The following PRAG1 variants were observed in gnomAD, a reference collection of about 807,000 sequenced individuals.
The protein encoded by PRAG1 is inactive tyrosine-protein kinase PRAG1.
In PRAG1, 110 loss-of-function variants were observed where a neutral mutation model predicts 95.6. The observed-to-expected ratio is 1.15, with a 90% CI of 0.99 to 1.35. PRAG1 has a LOEUF of 1.35. PRAG1 is among the 40% of genes most tolerant of loss of function. PRAG1 has a pLI of 0.00. For synonymous variants in PRAG1, 1,052 were observed against 819.4 expected (o/e 1.28, Z -4.85); for missense variants, 2,554 against 1,864.7 (o/e 1.37, Z -6.81).
chr8:8,351,418 T>C (rs771114905), intron 3 of PRAG1, among the ~76,000 whole-genome samples: 2 of 152,212 alleles, frequency 1.3e-5, no homozygotes, highest in Non-Finnish European at 2.9e-5. Context: ...ATCCAAACCA[T>C]ATGACTGAGT....
chr8:8,352,448 C>T (rs1023599168), intron 3 of PRAG1, among the ~76,000 whole-genome samples: 2 of 152,180 alleles, frequency 1.3e-5, no homozygotes, highest in African/African-American at 4.8e-5. Context: ...ATTCATACTA[C>T]CTCTCAGGGC....
intron 5 of PRAG1, among the ~76,000 whole-genome samples, chr8:8,322,920 A>C (rs1798518703): frequency 6.6e-6 from 1 of 152,130 alleles, no homozygotes; most frequent in African/African-American, 2.4e-5. Context: ...TGGCCTGACC[A>C]CTTTGGGAAC....
Position 8,318,155 on chromosome 8 carries a change from C to T in PRAG1, c.4220G>A (p.Ter1407=). ...CGACGGTGCAGGCTGGGGCTTGGCT[C>T]ACAGAAGCTGCAGGAGCTTCAGCGA... ...LQSLKLLQLL[*] is the part of the protein sequence containing the mutation. Residue 1407 remains the stop codon, a stop_retained_variant, in exon 6 of 6, where the codon TGA becomes TAA. Coordinates refer to ENST00000615670, the MANE Select transcript of PRAG1 (RefSeq NM_001080826.3). This position sits in a 1 kb window ranked among gnomAD's most constrained non-coding sequence, Gnocchi z 4.2. 3 of 1,610,994 alleles carry T rather than the reference C, an allele frequency of 1.9e-6. No homozygotes were observed. Among genetic ancestry groups the T allele is most frequent in the Non-Finnish European group, 2.5e-6 (3 of 1,178,426 alleles).
chr8:8,352,484 C>G (rs1323580011), intron 3 of PRAG1, among the ~76,000 whole-genome samples: 1 of 152,152 alleles, frequency 6.6e-6, no homozygotes, highest in Non-Finnish European at 1.5e-5. Flanking sequence ...GTACTTGACC[C>G]AAATCAGCTG....
chr8:8,353,945 T>C lies in PRAG1; in HGVS notation c.2163-14310A>G, dbSNP rs139899902. ...TAATAAAGATTAGAACAAAAATAAA[T>C]AAAATAAAGAACAGAAAAGCCACAT... is the stretch of plus-strand genomic sequence containing the variant. On this transcript the variant is annotated intron_variant, in intron 3 of 5. Transcript: ENST00000615670. Among the ~76,000 whole-genome samples the C allele has an allele frequency of 5.9e-3, 858 of 145,904 alleles. 8 individuals are homozygous for C. Among genetic ancestry groups the C allele is most frequent in the African/African-American group, 0.021 (821 of 39,568 alleles).
At chr8:8,325,203 G>C (rs1045828294) in intron 5 of PRAG1, among the ~76,000 whole-genome samples, 2 of 152,200 alleles carry the variant, frequency 1.3e-5, no homozygotes, top group Non-Finnish European at 2.9e-5. Context: ...CTGCCCGTGC[G>C]AAATGATGCT....
chr8:8,356,199 C>A (rs1799676209), intron 3 of PRAG1, among the ~76,000 whole-genome samples: 1 of 152,096 alleles, frequency 6.6e-6, no homozygotes. Flanking sequence ...CAGGGAAATG[C>A]AAATTTAAAC....
intron 5 of PRAG1, among the ~76,000 whole-genome samples, chr8:8,321,176 C>T (rs1447355240): frequency 6.6e-6 from 1 of 152,146 alleles, no homozygotes; most frequent in Admixed American, 6.5e-5. Flanking sequence ...TTTTGACCTC[C>T]CAGGTTTAAG....
At chr8:8,334,512 G>C (rs1293766745) in intron 4 of PRAG1, among the ~76,000 whole-genome samples, 1 of 151,764 alleles carries the variant, frequency 6.6e-6, no homozygotes, top group African/African-American at 2.4e-5. Context: ...ACTGGAAGCA[G>C]GTTATTAGCA....
chr8:8,338,481 A>C (rs1041641377), intron 4 of PRAG1, among the ~76,000 whole-genome samples: 1 of 152,238 alleles, frequency 6.6e-6, no homozygotes, highest in Non-Finnish European at 1.5e-5. Context: ...TTTGTTATAC[A>C]ATGGGCTGGG....
chr8:8,377,206 G>A lies in PRAG1; in HGVS notation c.1203C>T (p.Ala401=). 2 of 1,611,770 alleles carry A rather than the reference G, an allele frequency of 1.2e-6. No individual in the cohort carries two copies. Among genetic ancestry groups the A allele is most frequent in the Admixed American group, 3.3e-5 (2 of 59,976 alleles). ...LGLTGEPQPP[A]HPREATQPEP... is the part of the protein sequence containing the mutation. ...CAGGCTGTGTAGCCTCCCGGGGGTG[G>A]GCCGGGGGCTGGGGCTCCCCCGTCA... is the stretch of plus-strand genomic sequence containing the variant. The change falls in exon 3 of 6, where the codon GCC becomes GCT. Residue 401 remains alanine, a synonymous_variant. Transcript: ENST00000615670.
At position 8,381,947 on chromosome 8, in the gene PRAG1, A is replaced by G. The variant is rs1278976733; in HGVS notation, c.-87-113T>C. On this transcript the variant is annotated intron_variant, in intron 1 of 5. Transcript: ENST00000615670. ...GGAGAAGGAGGAGAAAAAGGTAAAG[A>G]TTAGGATCCCATTTATTTTGGGACC... 1.9e-5 allele frequency: 10 copies of G among 519,106 alleles called. No individual in the cohort carries two copies. In the East Asian group the frequency reaches 3.1e-4, roughly 16 times the overall value. The allele number at this position is 519,106 out of a possible 1,614,324, so 32.2% of individuals were successfully genotyped here.
At chr8:8,371,580 A>G (rs906990336) in intron 3 of PRAG1, among the ~76,000 whole-genome samples, 1 of 152,000 alleles carries the variant, frequency 6.6e-6, no homozygotes, top group Non-Finnish European at 1.5e-5. Context: ...CTTTCAAACA[A>G]AGACATCAGC....
chr8:8,373,956 C>A (rs1318487506), intron 3 of PRAG1, among the ~76,000 whole-genome samples: 5 of 152,148 alleles, frequency 3.3e-5, no homozygotes, highest in African/African-American at 9.7e-5. Flanking sequence ...TGGGATTTCT[C>A]CAAGCCCCGA....
chr8:8,376,783 G>T lies in PRAG1; in HGVS notation c.1626C>A (p.Pro542=). The T allele has an allele frequency of 4.3e-6, 7 of 1,610,978 alleles. No individual in the cohort carries two copies. The highest frequency in any genetic ancestry group is 5.9e-6 in the Non-Finnish European group (7 of 1,179,896). Reference sequence around the variant, plus strand: ...TCTTGGACAACTTGGGGGGAATGGCGGGCCTCTCCTTGGGCTTGCTCTCGC... The same window carrying T: ...TCTTGGACAACTTGGGGGGAATGGCTGGCCTCTCCTTGGGCTTGCTCTCGC... ...SASESKPKER[P]AIPPKLSKSS... The change falls in exon 3 of 6, where the codon CCC becomes CCA. Residue 542 remains proline (P), a synonymous_variant. Coordinates refer to ENST00000615670, the MANE Select transcript of PRAG1 (RefSeq NM_001080826.3).
In PRAG1 at chr8:8,376,296, T is replaced by G; in HGVS notation, c.2113A>C (p.Arg705=). 1 of 1,614,206 alleles carries G rather than the reference T, an allele frequency of 6.2e-7. No homozygotes were observed. Among genetic ancestry groups the G allele is most frequent in the Non-Finnish European group, 8.5e-7 (1 of 1,180,034 alleles). The change falls in exon 3 of 6, where the codon AGA becomes CGA. Residue 705 remains arginine (R), a synonymous_variant. Coordinates refer to ENST00000615670, the MANE Select transcript of PRAG1 (RefSeq NM_001080826.3). The part of the protein sequence containing the change: ...ASFAFEFPKD[R]SGIETFSPPP... The stretch of plus-strand genomic sequence containing the variant: ...GGTGAGAATGTCTCAATCCCACTTC[T>G]GTCCTTGGGGAACTCAAAGGCAAAA...
chr8:8,375,204 G>GC (rs1800342245), intron 3 of PRAG1, among the ~76,000 whole-genome samples: 3 of 94,418 alleles, frequency 3.2e-5, no homozygotes, highest in African/African-American at 1.5e-4. Context: ...TTTTTTCTTT[G>GC]TTTTTTTTTT....
Position 8,317,926 on chromosome 8 carries a change from C to T in PRAG1, c.*228G>A, listed in dbSNP as rs1324056304. 9.0e-6 allele frequency: 3 copies of T among 333,182 alleles called. No individual in the cohort carries two copies. Among genetic ancestry groups the T allele is most frequent in the African/African-American group, 2.1e-5 (1 of 47,102 alleles). 20.6% of individuals were successfully genotyped at this position (333,182 alleles called of 1,614,324 possible). A position where few individuals can be genotyped will look rare whatever the true frequency, so the allele number is the denominator to read the frequency against. On this transcript the variant is annotated 3_prime_UTR_variant, in exon 6 of 6. Coordinates refer to ENST00000615670, the MANE Select transcript of PRAG1 (RefSeq NM_001080826.3). ...AAATGTGTATAATTACAGAAGAAAA[C>T]AGGGAGGACTTAGTGCAGAGAGGAG...
intron 3 of PRAG1, among the ~76,000 whole-genome samples, chr8:8,373,143 T>C (rs1029409403): frequency 2.6e-5 from 4 of 152,276 alleles, no homozygotes; most frequent in African/African-American, 9.6e-5. Context: ...TGTACTGGAA[T>C]TGGTGCCGGA....
Sources: gnomAD v4.1 joint callset for allele counts (sites outside exome capture counted in the v4.1 genomes callset) on GRCh38, gnomAD v4.1.1 for gene constraint, Gnocchi (gnomAD v3.1) non-coding constraint, MANE v1.5 for transcripts, NCBI Gene and HGNC (gene_info 2026-07-23, HGNC 2026-07-21) for gene names.